The following KCNK12 variants were observed in gnomAD, a reference collection of about 807,000 sequenced individuals.
KCNK12 encodes the protein potassium channel subfamily K member 12.
KCNK12 carries 6 observed loss-of-function variants against 25.3 expected under a neutral mutation model. The observed-to-expected ratio is 0.24, with a 90% CI of 0.13 to 0.47. KCNK12 has a LOEUF of 0.47. Ranked by LOEUF, KCNK12 falls within the 20% of genes least tolerant of loss-of-function variation. KCNK12 has a pLI of 0.99. For missense variants in KCNK12, 444 were observed against 661.7 expected (o/e 0.67, Z 3.61); for synonymous variants, 331 against 311.1 (o/e 1.06, Z -0.67).
chr2:47,549,215 A>G (rs1669373500), intron 1 of KCNK12, among the ~76,000 whole-genome samples: 1 of 152,222 alleles, frequency 6.6e-6, no homozygotes, highest in South Asian at 2.1e-4. Context: ...TAGAGACCCC[A>G]AAAAGGTTAT....
intron 1 of KCNK12, among the ~76,000 whole-genome samples, chr2:47,544,433 T>C (rs1415377970): frequency 6.6e-6 from 1 of 152,280 alleles, no homozygotes; most frequent in Admixed American, 6.5e-5. Context: ...GACCTTTCTC[T>C]TTCAAACCCT....
intron 1 of KCNK12, among the ~76,000 whole-genome samples, chr2:47,553,386 G>GAT (rs1669480703): frequency 6.6e-6 from 1 of 152,170 alleles, no homozygotes; most frequent in African/African-American, 2.4e-5. Flanking sequence ...CACTGATAGA[G>GAT]ATATATAAGC....
Position 47,518,702 on chromosome 2 carries a change from G to C in KCNK12, c.*2205C>G, listed in dbSNP as rs1668579543. ...TGCCTGGGTTTTAGGCTGCTGTACT[G>C]TTGCTGGGGCTCACTTCCTGTGGGT... On this transcript the variant is annotated 3_prime_UTR_variant, in exon 2 of 2. Transcript: ENST00000327876. This position sits in a 1 kb window ranked among gnomAD's most constrained non-coding sequence, Gnocchi z 4.1. 4.6e-5 allele frequency: 7 copies of C among 152,422 alleles called. No individual in the cohort carries two copies. Among genetic ancestry groups the C allele is most frequent in the Admixed American group, 4.6e-4 (7 of 15,290 alleles). The allele number at this position is 152,422 out of a possible 1,614,324, so 9.4% of individuals were successfully genotyped here.
At position 47,531,034 on chromosome 2, in the gene KCNK12, A is replaced by C. The variant is rs572450185; in HGVS notation, c.392-9226T>G. Among the ~76,000 whole-genome samples, 6 of 152,378 alleles carry C rather than the reference A, an allele frequency of 3.9e-5. 1 individual carries two copies. The East Asian group carries it at 1.2e-3, about 29-fold the overall frequency. On this transcript the variant is annotated intron_variant, in intron 1 of 1. Transcript: ENST00000327876. ...AGCAGCAATTCTCAATTCTGGCTGCACAATAGAATCACCTGGGGAACTGAA... is the reference window on the plus strand; with the variant it reads ...AGCAGCAATTCTCAATTCTGGCTGCCCAATAGAATCACCTGGGGAACTGAA...
rs1669580260 is a variant in KCNK12 at position 47,557,778 on chromosome 2, C to T, written c.391+12163G>A. On this transcript the variant is annotated intron_variant, in intron 1 of 1. Coordinates refer to ENST00000327876, the MANE Select transcript of KCNK12 (RefSeq NM_022055.2). The surrounding 1 kb of genome is among the most constrained non-coding windows in gnomAD (Gnocchi z 4.9). ...GACCCACTTCAGCTCTTGTTATATA[C>T]TCTGCTGAACTGCCTTCTGGGTCAT... 6.6e-6 allele frequency among the ~76,000 whole-genome samples: 1 copy of T among 152,134 alleles called. No homozygotes were observed. Among genetic ancestry groups the T allele is most frequent in the Admixed American group, 6.5e-5 (1 of 15,268 alleles).
intron 1 of KCNK12, among the ~76,000 whole-genome samples, chr2:47,541,978 T>TAGCAGCAGC (rs908359477): frequency 3.3e-5 from 5 of 152,104 alleles, no homozygotes; most frequent in Non-Finnish European, 7.4e-5. Context: ...CTGTTTTCTG[T>TAGCAGCAGC]AGCAGCAGCA....
intron 1 of KCNK12, chr2:47,535,063 C>T (rs1447941046): frequency 4.4e-6 from 1 of 229,542 alleles, no homozygotes; most frequent in Non-Finnish European, 8.6e-6. Flanking sequence ...GCAGAGCCCT[C>T]GGGGACGACT....
rs1669631865 is a variant in KCNK12, at chr2:47,560,050, TCTCC to T, written c.391+9887_391+9890del. On this transcript the variant is annotated intron_variant, in intron 1 of 1. Transcript: ENST00000327876. The surrounding 1 kb of genome is among the most constrained non-coding windows in gnomAD (Gnocchi z 4.7). ...TTTCAGGACATGACCTTAGGCAGAG[TCTCC>T]CTCAAGCCAACCACCCTTCAGGAGG... Among the ~76,000 whole-genome samples, 1 of 152,040 alleles carries T rather than the reference TCTCC, an allele frequency of 6.6e-6. No individual in the cohort carries two copies. The highest frequency in any genetic ancestry group is 1.9e-4 in the East Asian group (1 of 5,168).
At chr2:47,549,603 G>A (rs940658575) in intron 1 of KCNK12, among the ~76,000 whole-genome samples, 2 of 152,108 alleles carry the variant, frequency 1.3e-5, no homozygotes, top group Non-Finnish European at 2.9e-5. Context: ...AGAAAAATGG[G>A]AAAAATTTTT....
chr2:47,543,005 G>A (rs143883645), intron 1 of KCNK12, among the ~76,000 whole-genome samples: 71 of 152,216 alleles, frequency 4.7e-4, no homozygotes, highest in Admixed American at 3.9e-3. Context: ...ATCATAACGC[G>A]CTACAGCCTC....
In KCNK12 at chr2:47,556,395, GT is replaced by G. The variant is rs1669551474; in HGVS notation, c.391+13545del. ...ATTACTTTTATTACCTCAATGGAGT[GT>G]GAAAGAAAGGTAGTTAGCAGAGAGT... On this transcript the variant is annotated intron_variant, in intron 1 of 1. Transcript: ENST00000327876. This position sits in a 1 kb window ranked among gnomAD's most constrained non-coding sequence, Gnocchi z 4.8. Among the ~76,000 whole-genome samples, 1 of 152,186 alleles carries G rather than the reference GT, an allele frequency of 6.6e-6. No homozygotes were observed. The highest frequency in any genetic ancestry group is 1.9e-4 in the East Asian group (1 of 5,196).
chr2:47,535,761 G>T (rs772814029), intron 1 of KCNK12, among the ~76,000 whole-genome samples: 1 of 152,106 alleles, frequency 6.6e-6, no homozygotes, highest in East Asian at 1.9e-4. Flanking sequence ...TAGGTTCAGA[G>T]AATGCAACTG....
Position 47,562,621 on chromosome 2 carries a change from A to T in KCNK12, c.391+7320T>A, listed in dbSNP as rs1669700843. The T allele has an allele frequency of 4.3e-6, 1 of 233,196 alleles. No homozygotes were observed. The highest frequency in any genetic ancestry group is 2.2e-5 in the African/African-American group (1 of 45,346). The allele number at this position is 233,196 out of a possible 1,614,324, so 14.4% of individuals were successfully genotyped here. The stretch of plus-strand genomic sequence containing the variant: ...AGGGAATGGCAGGGTTTGGGGTAGA[A>T]CTTCCTGGGGCCAGAGTCTCATAGC... On this transcript the variant is annotated intron_variant, in intron 1 of 1. Transcript: ENST00000327876. The surrounding 1 kb of genome is among the most constrained non-coding windows in gnomAD (Gnocchi z 4.8).
rs1172609432 is a variant in KCNK12 at position 47,538,270 on chromosome 2, AC to A, written c.392-16463del. ...CGTGGCCTGTGAGAAAGTGGCAAGTACTACAAAAAATAAAAAATAGAGCAGG... is the reference window on the plus strand; with the variant it reads ...CGTGGCCTGTGAGAAAGTGGCAAGTATACAAAAAATAAAAAATAGAGCAGG... On this transcript the variant is annotated intron_variant, in intron 1 of 1. Transcript: ENST00000327876. This position sits in a 1 kb window ranked among gnomAD's most constrained non-coding sequence, Gnocchi z 4.5. Among the ~76,000 whole-genome samples the A allele has an allele frequency of 6.6e-6, 1 of 152,214 alleles. No individual in the cohort carries two copies. The highest frequency in any genetic ancestry group is 2.4e-5 in the African/African-American group (1 of 41,452).
rs60295402 is a variant in KCNK12, at chr2:47,514,076, C to G, written c.*6831G>C. The stretch of plus-strand genomic sequence containing the variant: ...TGGCCCCCTCATTACCTCCCTTGCT[C>G]TGCATGCTCCAGTCCTGCAGAACTA... On this transcript the variant is annotated 3_prime_UTR_variant, in exon 2 of 2. Transcript: ENST00000327876. This position sits in a 1 kb window ranked among gnomAD's most constrained non-coding sequence, Gnocchi z 5.0. Among the ~76,000 whole-genome samples, 4,870 of 152,168 alleles carry G rather than the reference C, an allele frequency of 0.032. 291 individuals carry two copies. Among genetic ancestry groups the G allele is most frequent in the African/African-American group, 0.11 (4,571 of 41,524 alleles).
In KCNK12 at chr2:47,514,143, A is replaced by G. The variant is rs1668469126; in HGVS notation, c.*6764T>C. On this transcript the variant is annotated 3_prime_UTR_variant, in exon 2 of 2. Transcript: ENST00000327876. The surrounding 1 kb of genome is among the most constrained non-coding windows in gnomAD (Gnocchi z 5.0). ...CAAGGCCCTGCTCTGTTCTTCCCAC[A>G]CACTGCTCCTCTGCCTGGGCCACTC... is the stretch of plus-strand genomic sequence containing the variant. 6.6e-6 allele frequency among the ~76,000 whole-genome samples: 1 copy of G among 152,064 alleles called. No individual in the cohort carries two copies. Among genetic ancestry groups the G allele is most frequent in the Admixed American group, 6.5e-5 (1 of 15,278 alleles).
At chr2:47,552,707 G>A (rs1318088140) in intron 1 of KCNK12, among the ~76,000 whole-genome samples, 1 of 152,140 alleles carries the variant, frequency 6.6e-6, no homozygotes, top group African/African-American at 2.4e-5. Flanking sequence ...GGCAGAGGTT[G>A]CAGTGAGCAG....
chr2:47,542,579 G>C (rs1234060845), intron 1 of KCNK12, among the ~76,000 whole-genome samples: 1 of 152,184 alleles, frequency 6.6e-6, no homozygotes, highest in African/African-American at 2.4e-5. Context: ...GCCTGTTCTG[G>C]GGTCCTGCAG....
rs1668657108 is a variant in KCNK12, at chr2:47,521,619, A to G, written c.581T>C (p.Phe194Ser). 6.3e-7 allele frequency: 1 copy of G among 1,577,048 alleles called. No homozygotes were observed. The highest frequency in any genetic ancestry group is 8.6e-7 in the Non-Finnish European group (1 of 1,162,254). Residue 194 changes from phenylalanine (F) to serine (S), a missense_variant, in exon 2 of 2, where the codon TTC becomes TCC. Physicochemically the swap from Phe to Ser is radical, Grantham distance 155. This residue lies in a region of KCNK12 where 36 missense variants were observed against 36.4 expected (regional missense o/e 0.99). Transcript: ENST00000327876. ...CTCCGAGAGCGCGGAGCCGCGGCGGAAGGTGGCGGGCAGCAGGCCGCTGCG... is the reference window on the plus strand; with the variant it reads ...CTCCGAGAGCGCGGAGCCGCGGCGGGAGGTGGCGGGCAGCAGGCCGCTGCG... ...LRRSGLLPAT[F>S]RRGSALSEAD...
Sources: allele counts gnomAD v4.1 joint callset (sites outside exome capture counted in the v4.1 genomes callset), GRCh38; gene constraint gnomAD v4.1.1; regional missense constraint gnomAD v4.1.1; non-coding constraint Gnocchi (gnomAD v3.1); transcripts MANE v1.5; gene names NCBI Gene and HGNC (gene_info 2026-07-23, HGNC 2026-07-21).